Variants in ALDH18A1 observed in about 807,000 individuals in gnomAD.
The protein encoded by ALDH18A1 is aldehyde dehydrogenase 18 family member A1.
Under a neutral mutation model 88.8 loss-of-function variants are expected in ALDH18A1, and 44 were observed. That is an observed-to-expected ratio of 0.50 (90% CI 0.39 to 0.64). The LOEUF (loss-of-function observed/expected upper bound fraction) is 0.64, where lower values mean the gene tolerates loss of function less well. Among genes scored for constraint, ALDH18A1 ranks in the 30% least tolerant of loss-of-function variants. The probability of loss-of-function intolerance (pLI) is 0.00; values close to 1 mark genes in which losing one functional copy is unlikely to be tolerated. For missense variants in ALDH18A1, 782 were observed against 1,009.5 expected, an observed-to-expected ratio of 0.77 and a Z score of 3.05; for synonymous variants, 331 against 372.1, an observed-to-expected ratio of 0.89 and a Z score of 1.27.
In ALDH18A1 at chr10:95,625,426, A is replaced by C; in HGVS notation, c.1182T>G (p.Asp394Glu). 1 of 1,614,028 alleles carries C rather than the reference A, an allele frequency of 6.2e-7. No homozygotes were observed. Among genetic ancestry groups the C allele is most frequent in the East Asian group, 2.2e-5 (1 of 44,880 alleles). ...QRAEIIHHLA[D>E]LLTDQRDEIL... ...TCTCATCACGCTGGTCCGTCAACAG[A>C]TCAGCCAGATGATGGATAATTTCTG... Residue 394 changes from aspartate to glutamate, a missense_variant, in exon 11 of 18, where the codon GAT (aspartate) becomes GAG (glutamate). This residue lies in a region of ALDH18A1 where 556 missense variants were observed against 654.5 expected (regional missense o/e 0.85). Transcript: ENST00000371224.
chr10:95,627,445 C>T lies in ALDH18A1; in HGVS notation c.1075G>A (p.Ala359Thr). ...VGTFFSEVKP[A>T]GPTVEQQGEM... ...GACCTTATGAAGAACTATTTACCTG[C>T]AGGCTTTACTTCTGAAAAGAAGGTA... is the stretch of plus-strand genomic sequence containing the variant. The change falls in exon 9 of 18, where the codon GCA becomes ACA. Residue 359 changes from alanine to threonine, a missense_variant. Transcript: ENST00000371224. 6.2e-7 allele frequency: 1 copy of T among 1,614,120 alleles called. No individual in the cohort carries two copies. Among genetic ancestry groups the T allele is most frequent in the Admixed American group, 1.7e-5 (1 of 60,022 alleles).
At chr10:95,643,290 CAGTTT>C in intron 2 of ALDH18A1, 84 bp from the exon 3 acceptor site, 1 of 1,348,962 alleles carries the variant, frequency 7.4e-7, no homozygotes, top group African/African-American at 1.4e-5. Flanking sequence ...CAGTATTAAC[CAGTTT>C]AGATACCAAA....
In ALDH18A1 at chr10:95,633,478, A is replaced by G; in HGVS notation, c.717+13T>C. On this transcript the variant is annotated intron_variant, in intron 6 of 17. Coordinates refer to ENST00000371224, the MANE Select transcript of ALDH18A1 (RefSeq NM_002860.4). ...TCTCCAGCATGCTAAACCCTTAGAA[A>G]TACTTTACCCACATTTACCCCCTGC... The G allele has an allele frequency of 1.9e-6, 3 of 1,614,122 alleles. No homozygotes were observed. The highest frequency in any genetic ancestry group is 2.5e-6 in the Non-Finnish European group (3 of 1,180,014).
chr10:95,619,914 C>T (rs1227151004), intron 12 of ALDH18A1, among the ~76,000 whole-genome samples: 1 of 152,196 alleles, frequency 6.6e-6, no homozygotes, highest in Non-Finnish European at 1.5e-5. Context: ...AAAGCAATGA[C>T]AGCAAAAGCC....
intron 3 of ALDH18A1, among the ~76,000 whole-genome samples, chr10:95,639,372 A>G (rs779543670): frequency 3.3e-5 from 5 of 151,964 alleles, no homozygotes; most frequent in Non-Finnish European, 5.9e-5. Context: ...TTTAATACTT[A>G]ACCAAAGTGC....
chr10:95,637,552 C>A lies in ALDH18A1; in HGVS notation c.304-116G>T, dbSNP rs374230435. The stretch of plus-strand genomic sequence containing the variant: ...TAGATCCCAAATGCTGGTTTATGAA[C>A]CAGCATGTGGCTGGCTCTGGAAGAA... On this transcript the variant is annotated intron_variant, in intron 3 of 17. Coordinates refer to ENST00000371224, the MANE Select transcript of ALDH18A1 (RefSeq NM_002860.4). 7.9e-5 allele frequency: 99 copies of A among 1,247,366 alleles called. No homozygotes were observed. The East Asian group carries it at 8.9e-4, about 11-fold the overall frequency. 77.3% of individuals were successfully genotyped at this position (1,247,366 alleles called of 1,614,324 possible). A position where few individuals can be genotyped will look rare whatever the true frequency, so the allele number is the denominator to read the frequency against.
At chr10:95,623,298 G>T (rs1012315303) in intron 11 of ALDH18A1, among the ~76,000 whole-genome samples, 14 of 152,136 alleles carry the variant, frequency 9.2e-5, no homozygotes, top group Admixed American at 2.0e-4. Context: ...TGATACAGCT[G>T]AACGCACTTA....
intron 12 of ALDH18A1, among the ~76,000 whole-genome samples, chr10:95,618,669 T>C (rs1358260552): frequency 1.3e-5 from 2 of 152,194 alleles, no homozygotes; most frequent in Non-Finnish European, 2.9e-5. Context: ...CTAACAGATG[T>C]ACTTATAGGA....
At chr10:95,611,712 C>T (rs1181011038) in intron 15 of ALDH18A1, among the ~76,000 whole-genome samples, 1 of 152,184 alleles carries the variant, frequency 6.6e-6, no homozygotes, top group African/African-American at 2.4e-5. Context: ...TGGCTCACGC[C>T]TGTAATCCCA....
At chr10:95,635,379 T>TC (rs1324018068) in intron 5 of ALDH18A1, among the ~76,000 whole-genome samples, 5 of 152,040 alleles carry the variant, frequency 3.3e-5, no homozygotes, top group African/African-American at 7.3e-5. Flanking sequence ...GGCCTGGGGA[T>TC]CTCAGCATGA....
chr10:95,639,879 C>G (rs779328392), intron 3 of ALDH18A1, among the ~76,000 whole-genome samples: 1 of 150,294 alleles, frequency 6.7e-6, no homozygotes, highest in African/African-American at 2.4e-5. Context: ...GGTATTAATA[C>G]TGCTCTTTGT....
At chr10:95,610,736 C>T (rs2097832432) in intron 16 of ALDH18A1, among the ~76,000 whole-genome samples, 1 of 152,170 alleles carries the variant, frequency 6.6e-6, no homozygotes, top group African/African-American at 2.4e-5. Flanking sequence ...GTGCCTAGCA[C>T]ACAGTGAGTG....
At chr10:95,624,537 C>G (rs2097857815) in intron 11 of ALDH18A1, among the ~76,000 whole-genome samples, 1 of 152,050 alleles carries the variant, frequency 6.6e-6, no homozygotes, top group Non-Finnish European at 1.5e-5. Flanking sequence ...GAAAGAAACA[C>G]CATTAATATG....
chr10:95,606,452 C>A lies in ALDH18A1; in HGVS notation c.*310G>T. ...TGTAAGTCACTGAGGTGACACAAAG[C>A]AGCCATGGGTTTTCCTCGCCTTTTT... On this transcript the variant is annotated 3_prime_UTR_variant, in exon 18 of 18. Transcript: ENST00000371224. 8.2e-7 allele frequency: 1 copy of A among 1,222,968 alleles called. No homozygotes were observed. Among genetic ancestry groups the A allele is most frequent in the Non-Finnish European group, 1.0e-6 (1 of 970,160 alleles). 75.8% of individuals were successfully genotyped at this position (1,222,968 alleles called of 1,614,324 possible). A position where few individuals can be genotyped will look rare whatever the true frequency, so the allele number is the denominator to read the frequency against.
intron 17 of ALDH18A1, among the ~76,000 whole-genome samples, chr10:95,608,214 T>C (rs1237068353): frequency 1.3e-5 from 2 of 152,226 alleles, no homozygotes; most frequent in African/African-American, 2.4e-5. Context: ...TGATCTTTTG[T>C]TCTTCCTTCA....
At chr10:95,623,952 T>C (rs2097856905) in intron 11 of ALDH18A1, among the ~76,000 whole-genome samples, 1 of 151,660 alleles carries the variant, frequency 6.6e-6, no homozygotes, top group African/African-American at 2.4e-5. Flanking sequence ...CCGCCCACCT[T>C]GGCCTCTCAA....
chr10:95,609,674 T>C (rs372064744), intron 17 of ALDH18A1, among the ~76,000 whole-genome samples: 1 of 152,196 alleles, frequency 6.6e-6, no homozygotes, highest in East Asian at 1.9e-4. Flanking sequence ...CTTCTTAGCA[T>C]GTGAAATGCT....
chr10:95,611,535 A>G, intron 15 of ALDH18A1, 93 bp from the exon 16 acceptor site: 2 of 1,463,392 alleles, frequency 1.4e-6, no homozygotes, highest in Non-Finnish European at 1.9e-6. Flanking sequence ...GTAAAACCAC[A>G]GCCCAAAGTG....
At chr10:95,650,258 T>C (rs1038664582) in intron 2 of ALDH18A1, among the ~76,000 whole-genome samples, 1 of 152,156 alleles carries the variant, frequency 6.6e-6, no homozygotes, top group Non-Finnish European at 1.5e-5. Flanking sequence ...ACTTTTCCTA[T>C]ATGAAAGACC....
Sources: gnomAD v4.1 joint callset for allele counts (sites outside exome capture counted in the v4.1 genomes callset) on GRCh38, gnomAD v4.1.1 for gene constraint, gnomAD v4.1.1 regional missense constraint, MANE v1.5 for transcripts, NCBI Gene and HGNC (gene_info 2026-07-23, HGNC 2026-07-21) for gene names.